Variants in FGD1 observed in about 807,000 individuals in gnomAD.
FGD1 encodes the protein FYVE, RhoGEF and PH domain-containing protein 1.
Under a neutral mutation model 65.0 loss-of-function variants are expected in FGD1, and 12 were observed. The observed-to-expected ratio is 0.18, with a 90% CI of 0.12 to 0.30. The LOEUF is 0.30. Ranked by LOEUF, FGD1 falls within the 10% of genes least tolerant of loss-of-function variation. The pLI is 1.00. For synonymous variants in FGD1, 333 were observed against 343.9 expected (o/e 0.97, Z 0.35); for missense variants, 542 against 837.6 (o/e 0.65, Z 4.36).
At chrX:54,470,814 G>A (rs1055909484) in intron 2 of FGD1, 54 bp from the exon 3 acceptor site, 1 of 622,380 alleles carries the variant, frequency 1.6e-6, no homozygotes, top group African/African-American at 2.3e-5. Flanking sequence ...CTGGATTTGA[G>A]CCTGGCTAAC....
rs1922480818 is a variant in FGD1 at position 54,455,543 on chromosome X, A to T, written c.1936-16T>A. The T allele has an allele frequency of 4.2e-6, 5 of 1,184,649 alleles. No homozygotes were observed. In the South Asian group the frequency reaches 7.1e-5, roughly 17 times the overall value. On this transcript the variant is annotated splice_polypyrimidine_tract_variant and intron_variant, in intron 11 of 17. Coordinates refer to ENST00000375135, the MANE Select transcript of FGD1 (RefSeq NM_004463.3). The stretch of plus-strand genomic sequence containing the variant: ...TCTCCTTTAGCTGAATGGAGGCAGA[A>T]AGGGGCATGGTGAGGCCACTGAACT...
chrX:54,461,648 G>A (rs66464667), intron 8 of FGD1, among the ~76,000 whole-genome samples: 14,229 of 103,189 alleles, frequency 0.14, 1,710 homozygotes, highest in African/African-American at 0.37. Context: ...AAGAAAAATA[G>A]GGGTCATCAG....
chrX:54,462,361 C>T (rs1211215277), intron 8 of FGD1, among the ~76,000 whole-genome samples: 1 of 107,386 alleles, frequency 9.3e-6, no homozygotes, highest in African/African-American at 3.4e-5. Flanking sequence ...GCGGACACAG[C>T]AGTGGACACA....
At chrX:54,462,300 T>C (rs1922653562) in intron 8 of FGD1, among the ~76,000 whole-genome samples, 1 of 111,039 alleles carries the variant, frequency 9.0e-6, no homozygotes, top group South Asian at 3.8e-4. Context: ...GGGTCCAGGC[T>C]TGGTAGCAAA....
chrX:54,461,041 T>C (rs1200477860), intron 8 of FGD1, among the ~76,000 whole-genome samples: 2 of 111,699 alleles, frequency 1.8e-5, no homozygotes, highest in Non-Finnish European at 3.8e-5. Flanking sequence ...GTTGAGAAAA[T>C]GGACTCTATC....
chrX:54,462,937 G>C (rs986495750), intron 8 of FGD1, among the ~76,000 whole-genome samples: 3 of 108,979 alleles, frequency 2.8e-5, no homozygotes, highest in Non-Finnish European at 5.7e-5. Flanking sequence ...GCTAATTTTT[G>C]TATTTTCAGT....
chrX:54,474,109 A>G (rs1013031913), intron 1 of FGD1, among the ~76,000 whole-genome samples: 1 of 111,460 alleles, frequency 9.0e-6, no homozygotes, highest in African/African-American at 3.3e-5. Flanking sequence ...CCAATTCCCC[A>G]TGGAGACCAA....
Position 54,495,247 on chromosome X carries a change from T to C in FGD1, c.186A>G (p.Gly62=), listed in dbSNP as rs772255072. The C allele has an allele frequency of 1.7e-6, 2 of 1,192,515 alleles. No homozygotes were observed. Among genetic ancestry groups the C allele is most frequent in the South Asian group, 3.7e-5 (2 of 54,480 alleles). ...LGGPLDPQFV[G]PSDTSLGAAP... ...CAGCGCCCAGGCTGGTGTCCGAGGG[T>C]CCGACAAACTGGGGATCCAGTGGGC... The change falls in exon 1 of 18, where the codon GGA becomes GGG. Residue 62 remains glycine, a synonymous_variant. Transcript: ENST00000375135.
At chrX:54,492,935 C>T (rs1275607798) in intron 1 of FGD1, among the ~76,000 whole-genome samples, 1 of 105,615 alleles carries the variant, frequency 9.5e-6, no homozygotes, top group Admixed American at 1.0e-4. Flanking sequence ...AAAAAAAAGA[C>T]ACCCACTATG....
rs1329058824 is a variant in FGD1 at position 54,470,718 on chromosome X, G to A, written c.524C>T (p.Pro175Leu). ...PSYLQMPRMP[P>L]PLEPIPPPPS... ...TGGAGGGGGGATGGGCTCCAGTGGGGGGGGCATCCGGGGCATCTGCAGGTA... is the reference window on the plus strand; with the variant it reads ...TGGAGGGGGGATGGGCTCCAGTGGGAGGGGCATCCGGGGCATCTGCAGGTA... The change falls in exon 3 of 18, where the codon CCC becomes CTC. Residue 175 changes from proline to leucine, a missense_variant. By Grantham distance (98) the Pro-to-Leu change is moderately conservative. Coordinates refer to ENST00000375135, the MANE Select transcript of FGD1 (RefSeq NM_004463.3). The A allele has an allele frequency of 9.7e-7, 1 of 1,035,815 alleles. No individual in the cohort carries two copies. Among genetic ancestry groups the A allele is most frequent in the Non-Finnish European group, 1.3e-6 (1 of 757,131 alleles). 85.4% of individuals were successfully genotyped at this position (1,035,815 alleles called of 1,213,427 possible).
intron 1 of FGD1, among the ~76,000 whole-genome samples, chrX:54,488,454 G>A (rs150027637): frequency 0.13 from 13,953 of 107,408 alleles, 1,409 homozygotes; most frequent in African/African-American, 0.34. Flanking sequence ...GCGTGATGGC[G>A]GGTGCCTGTA....
chrX:54,469,250 G>A (rs1436562200), intron 4 of FGD1, among the ~76,000 whole-genome samples: 3 of 111,844 alleles, frequency 2.7e-5, no homozygotes, highest in Non-Finnish European at 5.6e-5. Context: ...TATTTAGGAC[G>A]CCTCATCCAT....
intron 6 of FGD1, among the ~76,000 whole-genome samples, chrX:54,466,151 A>C (rs1000371921): frequency 9.0e-6 from 1 of 111,581 alleles, no homozygotes; most frequent in Non-Finnish European, 1.9e-5. Flanking sequence ...CTGATTATCA[A>C]CTGTGTGCTG....
intron 1 of FGD1, among the ~76,000 whole-genome samples, chrX:54,479,118 T>C (rs747056680): frequency 8.8e-6 from 1 of 113,155 alleles, no homozygotes; most frequent in East Asian, 2.8e-4. Context: ...AAATTGTTTC[T>C]GGTTGCTGCA....
In FGD1 at chrX:54,494,992, G is replaced by T. The variant is rs1261110941; in HGVS notation, c.307+134C>A. Reference sequence around the variant, plus strand: ...CCAAGGGACGTGGGGAGGAGGAGGGGTTTGAGGGAACCCAAAGGGCCGAGG... The same window carrying T: ...CCAAGGGACGTGGGGAGGAGGAGGGTTTTGAGGGAACCCAAAGGGCCGAGG... On this transcript the variant is annotated intron_variant, in intron 1 of 17. Transcript: ENST00000375135. The T allele has an allele frequency of 4.7e-6, 3 of 639,476 alleles. No homozygotes were observed. The African/African-American group carries it at 6.6e-5, about 14-fold the overall frequency. 52.7% of individuals were successfully genotyped at this position (639,476 alleles called of 1,213,427 possible).
Position 54,454,853 on chromosome X carries a change from C to T in FGD1, c.2015+595G>A, listed in dbSNP as rs1922461663. On this transcript the variant is annotated intron_variant, in intron 12 of 17. Transcript: ENST00000375135. ...GAACCATTTTAAAGTAATTAACAGACATTGTGACACTAAGCCCTCAGCATG... is the reference window on the plus strand; with the variant it reads ...GAACCATTTTAAAGTAATTAACAGATATTGTGACACTAAGCCCTCAGCATG... 2.7e-5 allele frequency among the ~76,000 whole-genome samples: 3 copies of T among 111,420 alleles called. No homozygotes were observed. In the South Asian group the frequency reaches 1.1e-3, roughly 42 times the overall value.
chrX:54,462,389 CTTTTTTTTTTT>C (rs1158349272), intron 8 of FGD1, among the ~76,000 whole-genome samples: 1 of 79,576 alleles, frequency 1.3e-5, no homozygotes, highest in Non-Finnish European at 2.4e-5. Flanking sequence ...ACTTCCCATT[CTTTTTTTTTTT>C]TTTTTTTTTT....
intron 6 of FGD1, among the ~76,000 whole-genome samples, chrX:54,466,234 C>T (rs189284511): frequency 1.8e-5 from 2 of 111,919 alleles, no homozygotes; most frequent in Non-Finnish European, 3.8e-5. Context: ...GTAGGTGAGA[C>T]AAAGAGACCA....
At chrX:54,447,248 G>A in intron 17 of FGD1, 63 bp downstream of exon 17, 1 of 1,145,698 alleles carries the variant, frequency 8.7e-7, no homozygotes, top group Non-Finnish European at 1.2e-6. Flanking sequence ...GCCAAGGAGA[G>A]GTCAAGGACT....
Sources: allele counts gnomAD v4.1 joint callset (sites outside exome capture counted in the v4.1 genomes callset), GRCh38; gene constraint gnomAD v4.1.1; transcripts MANE v1.5; gene names NCBI Gene and HGNC (gene_info 2026-07-23, HGNC 2026-07-21).